MSTO1: variants seen among roughly 807,000 people sequenced by gnomAD.
MSTO1 encodes the protein misato mitochondrial distribution and morphology regulator 1, also known as protein misato homolog 1.
In MSTO1, 24 loss-of-function variants were observed where a neutral mutation model predicts 55.7. The observed-to-expected ratio is 0.43, with a 90% confidence interval of 0.31 to 0.61. The LOEUF (loss-of-function observed/expected upper bound fraction) is 0.61. MSTO1 is among the 20% of genes least tolerant of loss of function. The probability of loss-of-function intolerance (pLI) is 0.09; values close to 1 mark genes in which losing one functional copy is unlikely to be tolerated. For synonymous variants in MSTO1, 162 were observed against 252.8 expected, an observed-to-expected ratio of 0.64 and a Z score of 3.41; for missense variants, 363 against 625.7, an observed-to-expected ratio of 0.58 and a Z score of 4.48.
chr1:155,596,239 T>C, the MSTO1 span, among the ~76,000 whole-genome samples: 1 of 152,346 alleles, frequency 6.6e-6, no homozygotes, highest in Middle Eastern at 3.4e-3. Flanking sequence ...GAAGTGTCTT[T>C]CAGCTTTCTC....
the MSTO1 span, among the ~76,000 whole-genome samples, chr1:155,588,058 C>T: frequency 6.6e-6 from 1 of 150,828 alleles, no homozygotes; most frequent in Non-Finnish European, 1.5e-5. Context: ...AAAATACAAA[C>T]ATTAGCCAGG....
At chr1:155,605,550 T>C (rs1672924280), upstream of MSTO1, among the ~76,000 whole-genome samples, 1 of 152,298 alleles carries the variant, frequency 6.6e-6, no homozygotes, top group South Asian at 2.1e-4. Flanking sequence ...GGTTCACTCC[T>C]GTCATCCCAG....
the MSTO1 span, among the ~76,000 whole-genome samples, chr1:155,579,238 G>A: frequency 2.0e-5 from 3 of 151,918 alleles, no homozygotes; most frequent in Non-Finnish European, 2.9e-5. Context: ...GCTTGAACCC[G>A]GGAGGCAGAG....
the MSTO1 span, chr1:155,590,540 T>C: frequency 3.7e-6 from 3 of 801,448 alleles, no homozygotes; most frequent in African/African-American, 5.2e-5. Context: ...ATCCCAAAGC[T>C]GTTGGGCACT....
At chr1:155,583,852 A>G in the MSTO1 span, among the ~76,000 whole-genome samples, 1 of 151,972 alleles carries the variant, frequency 6.6e-6, no homozygotes, top group Non-Finnish European at 1.5e-5. Context: ...TGTGCCGGGG[A>G]GCATTGAGAA....
rs147260622 is a variant in MSTO1 at position 155,614,862 on chromosome 1, G to A, written c.*589G>A. 2.5e-6 allele frequency: 4 copies of A among 1,576,380 alleles called. No individual in the cohort carries two copies. Among genetic ancestry groups the A allele is most frequent in the East Asian group, 2.3e-5 (1 of 43,254 alleles). ...AGAGCTGCATGAGTTCTCGAAAATG[G>A]TGGGAAACCTAAGAAAGGAGGAGGG... On this transcript the variant is annotated 3_prime_UTR_variant, in exon 14 of 14. Coordinates refer to ENST00000245564, the MANE Select transcript of MSTO1 (RefSeq NM_018116.4).
chr1:155,606,213 T>TG (rs1672932720), upstream of MSTO1, among the ~76,000 whole-genome samples: 1 of 131,450 alleles, frequency 7.6e-6, no homozygotes, highest in Non-Finnish European at 1.6e-5. Flanking sequence ...TTTTTTTTTT[T>TG]TTTTTTTTTT....
At chr1:155,613,312 C>A in intron 11 of MSTO1, 79 bp downstream of exon 11, 1 of 1,576,628 alleles carries the variant, frequency 6.3e-7, no homozygotes, top group South Asian at 1.2e-5. Flanking sequence ...CTGGGGCATT[C>A]TAATGATACT....
At chr1:155,590,897 T>G in the MSTO1 span, 7 of 1,612,542 alleles carry the variant, frequency 4.3e-6, no homozygotes, top group Non-Finnish European at 5.9e-6. Context: ...ACAAAGACAA[T>G]CCCAGAGGTG....
At chr1:155,568,785 A>G in the MSTO1 span, among the ~76,000 whole-genome samples, 2 of 152,040 alleles carry the variant, frequency 1.3e-5, no homozygotes, top group South Asian at 4.2e-4. Context: ...TTTGGGAACA[A>G]AAATGTTTTG....
the MSTO1 span, among the ~76,000 whole-genome samples, chr1:155,604,443 G>A: frequency 6.6e-6 from 1 of 152,194 alleles, no homozygotes; most frequent in Non-Finnish European, 1.5e-5. Flanking sequence ...AACTCCTCAC[G>A]TGTCTGGAAA....
chr1:155,593,140 C>G, the MSTO1 span, among the ~76,000 whole-genome samples: 1 of 152,156 alleles, frequency 6.6e-6, no homozygotes, highest in African/African-American at 2.4e-5. Flanking sequence ...TCTCAAACTC[C>G]TGACCTTAGG....
At chr1:155,578,116 T>C in the MSTO1 span, among the ~76,000 whole-genome samples, 1 of 151,994 alleles carries the variant, frequency 6.6e-6, no homozygotes, top group African/African-American at 2.4e-5. Context: ...AAAGGACTGG[T>C]GATTTTAGTG....
upstream of MSTO1, chr1:155,610,019 C>A: frequency 3.6e-6 from 2 of 562,726 alleles, no homozygotes; most frequent in Non-Finnish European, 6.2e-6. Context: ...GGAGCAACGG[C>A]GTGGCCCGTG....
chr1:155,603,893 CT>C, the MSTO1 span, among the ~76,000 whole-genome samples: 20 of 151,190 alleles, frequency 1.3e-4, no homozygotes, highest in African/African-American at 3.9e-4. Flanking sequence ...AAAACAACAA[CT>C]TTTTTTTTGG....
the MSTO1 span, among the ~76,000 whole-genome samples, chr1:155,584,446 C>T: frequency 1.3e-5 from 2 of 151,792 alleles, no homozygotes; most frequent in African/African-American, 4.8e-5. Context: ...ACAGGAAGAT[C>T]GCTTGAGCCC....
rs1674286279 is a variant in MSTO1, at chr1:155,612,214, C to T, written c.711C>T (p.Gly237=). 1 of 1,612,404 alleles carries T rather than the reference C, an allele frequency of 6.2e-7. No homozygotes were observed. The change falls in exon 8 of 14, where the codon GGC becomes GGT. Residue 237 remains glycine, a synonymous_variant. Transcript: ENST00000245564. ...GFQILCDLHD[G]FSGVGAKAAE... ...AGATCCTGTGTGACCTGCACGATGG[C>T]TTCTCTGGGGTAGGCGCGAAGGCGG...
At chr1:155,602,726 T>C in the MSTO1 span, among the ~76,000 whole-genome samples, 5 of 152,036 alleles carry the variant, frequency 3.3e-5, no homozygotes, top group Non-Finnish European at 7.4e-5. Context: ...GTGAAATAAA[T>C]AGGCAACAGT....
chr1:155,568,079 A>ATTTTTTT, the MSTO1 span, among the ~76,000 whole-genome samples: 1 of 150,266 alleles, frequency 6.7e-6, no homozygotes, highest in African/African-American at 2.5e-5. Flanking sequence ...ATTTTATTTT[A>ATTTTTTT]TTTTATTTTA....
Sources: allele counts gnomAD v4.1 joint callset (sites outside exome capture counted in the v4.1 genomes callset), GRCh38; gene constraint gnomAD v4.1.1; transcripts MANE v1.5; gene names NCBI Gene and HGNC (gene_info 2026-07-23, HGNC 2026-07-21).